RHCG: variants seen among roughly 807,000 people sequenced by gnomAD.
RHCG encodes Rh family C glycoprotein.
Under a neutral mutation model 55.3 loss-of-function variants are expected in RHCG, and 39 were observed. The observed-to-expected ratio is 0.70, with a 90% CI of 0.55 to 0.92. RHCG has a LOEUF of 0.92. Ranked by LOEUF, RHCG falls within the 40% of genes least tolerant of loss-of-function variation. The probability of loss-of-function intolerance (pLI) is 0.00; values close to 1 mark genes in which losing one functional copy is unlikely to be tolerated. For synonymous variants in RHCG, 250 were observed against 246.8 expected, an observed-to-expected ratio of 1.01 and a Z score of -0.12; for missense variants, 635 against 627.9, an observed-to-expected ratio of 1.01 and a Z score of -0.12.
intron 9 of RHCG, among the ~76,000 whole-genome samples, chr15:89,475,136 G>T (rs1189729743): frequency 4.3e-5 from 4 of 92,322 alleles, no homozygotes; most frequent in South Asian, 3.8e-4. Flanking sequence ...ATTCCTGCCT[G>T]CCTTCCTTCA....
chr15:89,474,760 T>TCCTGCCTGCCTTCCTTCCTTCCTG, intron 9 of RHCG, among the ~76,000 whole-genome samples: 1 of 133,352 alleles, frequency 7.5e-6, no homozygotes, highest in African/African-American at 3.6e-5. Context: ...CTGCCTTCCT[T>TCCTGCCTGCCTTCCTTCCTTCCTG]CCTGCCTTCC....
intron 1 of RHCG, among the ~76,000 whole-genome samples, chr15:89,494,056 T>C (rs147567985): frequency 8.6e-5 from 13 of 150,468 alleles, no homozygotes; most frequent in Admixed American, 8.6e-4. Flanking sequence ...CCCTCCTTGA[T>C]GCTGGGGCTC....
chr15:89,496,349 G>C lies in RHCG; in HGVS notation c.184+12C>G. ...ATATGCCTCCGCTGGGCCTGCAGGC[G>C]GCGAGACTTACTTGGGTAGCGATAG... On this transcript the variant is annotated intron_variant, in intron 1 of 10. Transcript: ENST00000268122. 6.2e-7 allele frequency: 1 copy of C among 1,613,336 alleles called. No homozygotes were observed. The highest frequency in any genetic ancestry group is 8.5e-7 in the Non-Finnish European group (1 of 1,179,696).
rs770047926 is a variant in RHCG at position 89,477,214 on chromosome 15, G to A, written c.1113-8C>T. On this transcript the variant is annotated splice_polypyrimidine_tract_variant and splice_region_variant and intron_variant, in intron 7 of 10. Transcript: ENST00000268122. The surrounding 1 kb of genome is among the most constrained non-coding windows in gnomAD (Gnocchi z 4.5). ...TCAAAGGAATGGACAAGCCTGGGGT[G>A]GAGACAGGGGGCAGGTCAGGGCCCC... 5 of 1,613,838 alleles carry A rather than the reference G, an allele frequency of 3.1e-6. No homozygotes were observed. The highest frequency in any genetic ancestry group is 1.6e-4 in the Middle Eastern group (1 of 6,084).
intron 10 of RHCG, 100 bp downstream of exon 10, chr15:89,472,611 T>G: frequency 1.7e-6 from 2 of 1,195,310 alleles, no homozygotes; most frequent in Non-Finnish European, 2.3e-6. Context: ...CATTTCTTGA[T>G]GTTTGCTTTT....
At chr15:89,489,148 T>C (rs1433051451) in intron 1 of RHCG, among the ~76,000 whole-genome samples, 3 of 152,104 alleles carry the variant, frequency 2.0e-5, no homozygotes, top group African/African-American at 7.2e-5. Context: ...CATAGTCTCA[T>C]TTTGTCGCCC....
rs974682865 is a variant in RHCG at position 89,480,534 on chromosome 15, T to C, written c.523-126A>G. Reference sequence around the variant, plus strand: ...TTCTCGGACTCTTCAGGGTGCAGGATGGAGCCTGGGGCCTTCACGGACCAA... The same window carrying C: ...TTCTCGGACTCTTCAGGGTGCAGGACGGAGCCTGGGGCCTTCACGGACCAA... On this transcript the variant is annotated intron_variant, in intron 3 of 10. Coordinates refer to ENST00000268122, the MANE Select transcript of RHCG (RefSeq NM_016321.3). 3.4e-6 allele frequency: 4 copies of C among 1,175,706 alleles called. No individual in the cohort carries two copies. In the African/African-American group the frequency reaches 6.1e-5, roughly 18 times the overall value. 72.8% of individuals were successfully genotyped at this position (1,175,706 alleles called of 1,614,324 possible).
Position 89,480,421 on chromosome 15 carries a change from G to A in RHCG, c.523-13C>T. 1 of 1,608,952 alleles carries A rather than the reference G, an allele frequency of 6.2e-7. No homozygotes were observed. Among genetic ancestry groups the A allele is most frequent in the Non-Finnish European group, 8.5e-7 (1 of 1,176,462 alleles). ...CTGCATCCTTCACCTGGGGTGCAAG[G>A]GGCCTGTCAGACTCTGGCACCTTCT... On this transcript the variant is annotated splice_polypyrimidine_tract_variant and intron_variant, in intron 3 of 10. Coordinates refer to ENST00000268122, the MANE Select transcript of RHCG (RefSeq NM_016321.3).
chr15:89,487,000 C>T lies in RHCG; in HGVS notation c.185-15G>A. 1 of 1,542,826 alleles carries T rather than the reference C, an allele frequency of 6.5e-7. No homozygotes were observed. The highest frequency in any genetic ancestry group is 8.8e-7 in the Non-Finnish European group (1 of 1,139,724). Reference sequence around the variant, plus strand: ...GTCCTGGAAGCCTGCGGGGACAGTGCAGCCCGGGACTCGGTGGTCTGGCGA... The same window carrying T: ...GTCCTGGAAGCCTGCGGGGACAGTGTAGCCCGGGACTCGGTGGTCTGGCGA... On this transcript the variant is annotated splice_polypyrimidine_tract_variant and intron_variant, in intron 1 of 10. Transcript: ENST00000268122.
chr15:89,484,779 CAAAAAAAAAAA>C (rs59658119), intron 2 of RHCG, among the ~76,000 whole-genome samples: 2 of 101,432 alleles, frequency 2.0e-5, no homozygotes, highest in African/African-American at 7.1e-5. Flanking sequence ...AACTCAGTCT[CAAAAAAAAAAA>C]AAAAAAAAAT....
chr15:89,481,371 A>G, intron 3 of RHCG, among the ~76,000 whole-genome samples: 1 of 151,300 alleles, frequency 6.6e-6, no homozygotes. Context: ...AATCGCTTGA[A>G]CCCGGGAGGC....
intron 1 of RHCG, among the ~76,000 whole-genome samples, chr15:89,494,491 C>T (rs1299585712): frequency 6.6e-6 from 1 of 152,100 alleles, no homozygotes; most frequent in African/African-American, 2.4e-5. Context: ...GTTGCATGAA[C>T]ACATTAACCT....
intron 5 of RHCG, among the ~76,000 whole-genome samples, chr15:89,478,916 C>T (rs1961207766): frequency 6.6e-6 from 1 of 152,044 alleles, no homozygotes; most frequent in South Asian, 2.1e-4. Flanking sequence ...TATGGTGAAA[C>T]CCCATCTCTA....
At chr15:89,486,599 A>AGAGAGAGAGAGAGAGTGTGTGTGTGTGT in intron 2 of RHCG, 200 bp downstream of exon 2, 1 of 261,834 alleles carries the variant, frequency 3.8e-6, no homozygotes, top group Non-Finnish European at 7.2e-6. Flanking sequence ...AGAGAGAGAG[A>AGAGAGAGAGAGAGAGTGTGTGTGTGTGT]GTGTGTGTGT....
rs773015604 is a variant in RHCG, at chr15:89,479,520, G to A, written c.671-32C>T. 5.7e-6 allele frequency: 9 copies of A among 1,581,240 alleles called. 1 individual carries two copies. In the South Asian group the frequency reaches 1.0e-4, roughly 18 times the overall value. ...AGACCAGACAGGCCCAATGGGCCCGGGAGGAGAGGCATTAGATACAGCCCC... is the reference window on the plus strand; with the variant it reads ...AGACCAGACAGGCCCAATGGGCCCGAGAGGAGAGGCATTAGATACAGCCCC... On this transcript the variant is annotated intron_variant, in intron 4 of 10. Transcript: ENST00000268122.
intron 5 of RHCG, 47 bp downstream of exon 5, chr15:89,479,275 C>A: frequency 6.3e-7 from 1 of 1,581,202 alleles, no homozygotes; most frequent in Non-Finnish European, 8.6e-7. Flanking sequence ...TCAGCGCCCT[C>A]CAGGCCCAGG....
rs750178091 is a variant in RHCG at position 89,479,366 on chromosome 15, C to G, written c.793G>C (p.Val265Leu). 3 of 1,614,206 alleles carry G rather than the reference C, an allele frequency of 1.9e-6. No individual in the cohort carries two copies. In the East Asian group the frequency reaches 6.7e-5, roughly 36 times the overall value. Reference sequence around the variant, plus strand: ...TTGTGCAGGGCACTGGATATTGCCACCGAGGTAAGCACGCAGGCTGCCAAG... The same window carrying G: ...TTGTGCAGGGCACTGGATATTGCCAGCGAGGTAAGCACGCAGGCTGCCAAG... ...CSLAACVLTS[V>L]AISSALHKKG... is the part of the protein sequence containing the mutation. Residue 265 changes from valine to leucine, a missense_variant, in exon 5 of 11, where the codon GTG (valine) becomes CTG (leucine). Coordinates refer to ENST00000268122, the MANE Select transcript of RHCG (RefSeq NM_016321.3).
intron 5 of RHCG, 30 bp downstream of exon 5, chr15:89,479,292 G>C (rs775238810): frequency 1.3e-6 from 2 of 1,597,614 alleles, no homozygotes; most frequent in African/African-American, 2.7e-5. Flanking sequence ...CAGGCAGTCA[G>C]AGCCACACCC....
Position 89,480,459 on chromosome 15 carries a change from T to C in RHCG, c.523-51A>G, listed in dbSNP as rs754159574. The C allele has an allele frequency of 3.4e-5, 53 of 1,579,926 alleles. 2 individuals carry two copies. In the South Asian group the frequency reaches 4.7e-4, roughly 14 times the overall value. On this transcript the variant is annotated intron_variant, in intron 3 of 10. Coordinates refer to ENST00000268122, the MANE Select transcript of RHCG (RefSeq NM_016321.3). Reference sequence around the variant, plus strand: ...TCTGGCACCTTCTCTCCCTCCCTCCTCATTGCCGTCCCTGTCTTGCCACAC... The same window carrying C: ...TCTGGCACCTTCTCTCCCTCCCTCCCCATTGCCGTCCCTGTCTTGCCACAC...
Sources: allele counts gnomAD v4.1 joint callset (sites outside exome capture counted in the v4.1 genomes callset), GRCh38; gene constraint gnomAD v4.1.1; non-coding constraint Gnocchi (gnomAD v3.1); transcripts MANE v1.5; gene names NCBI Gene and HGNC (gene_info 2026-07-23, HGNC 2026-07-21).